Variants in AGAP1 observed in about 807,000 individuals in gnomAD.
The protein encoded by AGAP1 is ArfGAP with GTPase domain, ankyrin repeat and PH domain 1, also known as arf-GAP with GTPase, ANK repeat and PH domain-containing protein 1.
AGAP1 carries 29 observed loss-of-function variants against 105.3 expected under a neutral mutation model. That is an observed-to-expected ratio of 0.28 (90% CI 0.21 to 0.38). The LOEUF is 0.38. Ranked by LOEUF, AGAP1 falls within the 10% of genes least tolerant of loss-of-function variation. AGAP1 has a pLI of 1.00. For synonymous variants in AGAP1, 509 were observed against 485.9 expected (o/e 1.05, Z -0.63); for missense variants, 998 against 1,165.1 (o/e 0.86, Z 2.09).
rs1297317079 is a variant in AGAP1, at chr2:235,728,245, T to C, written c.310+10601T>C. On this transcript the variant is annotated intron_variant, in intron 3 of 17. Coordinates refer to ENST00000304032, the MANE Select transcript of AGAP1 (RefSeq NM_001037131.3). The surrounding 1 kb of genome is among the most constrained non-coding windows in gnomAD (Gnocchi z 4.3). ...GTGAAAGTGCCCCCAAGCTCCCCGC[T>C]CCATTTCATGTGCTACTGGCTGGCT... is the stretch of plus-strand genomic sequence containing the variant. Among the ~76,000 whole-genome samples, 4 of 151,904 alleles carry C rather than the reference T, an allele frequency of 2.6e-5. No homozygotes were observed.
At chr2:235,694,521 C>T (rs1189709090) in intron 1 of AGAP1, among the ~76,000 whole-genome samples, 1 of 150,768 alleles carries the variant, frequency 6.6e-6, no homozygotes, top group African/African-American at 2.4e-5. Flanking sequence ...GGTGGCAGTG[C>T]CCTGTAATCA....
rs537693919 is a variant in AGAP1, at chr2:235,954,702, T to G, written c.1484-13760T>G. On this transcript the variant is annotated intron_variant, in intron 12 of 17. Transcript: ENST00000304032. ...CCCGCCTCTACCTGCCAACCCCTTGTGAGTCCTTCAGGTTTGTCCACAGCC... is the reference window on the plus strand; with the variant it reads ...CCCGCCTCTACCTGCCAACCCCTTGGGAGTCCTTCAGGTTTGTCCACAGCC... Among the ~76,000 whole-genome samples the G allele has an allele frequency of 5.3e-5, 8 of 151,946 alleles. 1 individual carries two copies. The South Asian group carries it at 1.7e-3, about 32-fold the overall frequency.
rs1264519154 is a variant in AGAP1, at chr2:235,753,115, G to C, written c.673+2627G>C. Among the ~76,000 whole-genome samples the C allele has an allele frequency of 6.6e-6, 1 of 152,172 alleles. No homozygotes were observed. The highest frequency in any genetic ancestry group is 1.9e-4 in the East Asian group (1 of 5,184). ...TATTCCCCTGGGGGTCAGGATTTCAGTATAAGAATTTGGGTTGAGTTCCAT... is the reference window on the plus strand; with the variant it reads ...TATTCCCCTGGGGGTCAGGATTTCACTATAAGAATTTGGGTTGAGTTCCAT... On this transcript the variant is annotated intron_variant, in intron 6 of 17. Transcript: ENST00000304032. The surrounding 1 kb of genome is among the most constrained non-coding windows in gnomAD (Gnocchi z 4.5).
In AGAP1 at chr2:235,953,549, CTT is replaced by C. The variant is rs2053828598; in HGVS notation, c.1484-14911_1484-14910del. On this transcript the variant is annotated intron_variant, in intron 12 of 17. Coordinates refer to ENST00000304032, the MANE Select transcript of AGAP1 (RefSeq NM_001037131.3). This position sits in a 1 kb window ranked among gnomAD's most constrained non-coding sequence, Gnocchi z 5.2. Reference sequence around the variant, plus strand: ...AGACATTACTCAAATTTTGTTTGTTCTTTGTGCTGCAGTGGTCTTACTTGGCA... The same window carrying C: ...AGACATTACTCAAATTTTGTTTGTTCTGTGCTGCAGTGGTCTTACTTGGCA... 6.6e-6 allele frequency among the ~76,000 whole-genome samples: 1 copy of C among 152,086 alleles called. No homozygotes were observed. Among genetic ancestry groups the C allele is most frequent in the Non-Finnish European group, 1.5e-5 (1 of 68,000 alleles).
chr2:235,808,957 T>G, intron 9 of AGAP1, among the ~76,000 whole-genome samples: 1 of 152,226 alleles, frequency 6.6e-6, no homozygotes, highest in East Asian at 1.9e-4. Context: ...GTAATTTTTA[T>G]GCCACTGATA....
intron 13 of AGAP1, among the ~76,000 whole-genome samples, chr2:236,008,070 G>T (rs954323305): frequency 2.0e-5 from 3 of 152,186 alleles, no homozygotes; most frequent in East Asian, 1.9e-4. Context: ...TTTTCAATTT[G>T]GATTGCCAAG....
Position 235,977,324 on chromosome 2 carries a change from A to T in AGAP1, c.1645+8701A>T, listed in dbSNP as rs11885637. On this transcript the variant is annotated intron_variant, in intron 13 of 17. Coordinates refer to ENST00000304032, the MANE Select transcript of AGAP1 (RefSeq NM_001037131.3). The surrounding 1 kb of genome is among the most constrained non-coding windows in gnomAD (Gnocchi z 5.2). The stretch of plus-strand genomic sequence containing the variant: ...CGGATGTCATTTAAGTCTCGGTGAA[A>T]TTATGGTCCACTTGGACCAAGGTCC... Among the ~76,000 whole-genome samples the T allele has an allele frequency of 0.021, 3,178 of 152,096 alleles. 109 individuals carry two copies. The highest frequency in any genetic ancestry group is 0.072 in the African/African-American group (2,993 of 41,462).
At chr2:235,603,176 G>T (rs56319013) in intron 1 of AGAP1, among the ~76,000 whole-genome samples, 7,529 of 152,204 alleles carry the variant, frequency 0.049, 223 homozygotes, top group African/African-American at 0.08. Context: ...CCTCCTGAGA[G>T]CTGGTGGTTT....
At chr2:235,759,900 T>C (rs1575361941) in intron 6 of AGAP1, among the ~76,000 whole-genome samples, 1 of 152,166 alleles carries the variant, frequency 6.6e-6, no homozygotes, top group East Asian at 1.9e-4. Flanking sequence ...AAACCATACA[T>C]TCAGAGGTTT....
At chr2:235,783,485 G>C (rs1332699040) in intron 6 of AGAP1, 3 of 427,886 alleles carry the variant, frequency 7.0e-6, no homozygotes, top group Non-Finnish European at 1.4e-5. Context: ...GGACTGCTGT[G>C]TGTCACTGTG....
chr2:235,854,844 C>T (rs1352109462), intron 9 of AGAP1, among the ~76,000 whole-genome samples: 1 of 152,118 alleles, frequency 6.6e-6, no homozygotes, highest in Non-Finnish European at 1.5e-5. Flanking sequence ...AGAAACAATT[C>T]TTTATTCATT....
Position 236,035,189 on chromosome 2 carries a change from C to CA in AGAP1, c.1646-1371dup, listed in dbSNP as rs2057341683. Among the ~76,000 whole-genome samples, 1 of 152,124 alleles carries CA rather than the reference C, an allele frequency of 6.6e-6. No homozygotes were observed. The highest frequency in any genetic ancestry group is 6.5e-5 in the Admixed American group (1 of 15,278). ...CAGCCCAATGGCCACGGGCTGGTGA[C>CA]AGAGATAAGTAAAGTGGTTGGCAGG... On this transcript the variant is annotated intron_variant, in intron 13 of 17. Transcript: ENST00000304032. The surrounding 1 kb of genome is among the most constrained non-coding windows in gnomAD (Gnocchi z 4.2).
intron 13 of AGAP1, among the ~76,000 whole-genome samples, chr2:235,985,037 C>T (rs1420418087): frequency 3.9e-5 from 6 of 152,230 alleles, no homozygotes; most frequent in Admixed American, 1.3e-4. Context: ...TACTGTCTTC[C>T]GCAATGGTTG....
chr2:235,953,270 T>G lies in AGAP1; in HGVS notation c.1484-15192T>G, dbSNP rs1268609841. ...TGAATTTTGCAAATTAGCATTTGAT[T>G]TAACCCCCAAAAAAGTACCCCGATG... On this transcript the variant is annotated intron_variant, in intron 12 of 17. Coordinates refer to ENST00000304032, the MANE Select transcript of AGAP1 (RefSeq NM_001037131.3). This position sits in a 1 kb window ranked among gnomAD's most constrained non-coding sequence, Gnocchi z 5.2. 6.6e-6 allele frequency among the ~76,000 whole-genome samples: 1 copy of G among 152,238 alleles called. No homozygotes were observed. Among genetic ancestry groups the G allele is most frequent in the Non-Finnish European group, 1.5e-5 (1 of 68,032 alleles).
chr2:235,779,529 G>A (rs757082643), intron 6 of AGAP1, among the ~76,000 whole-genome samples: 3 of 152,140 alleles, frequency 2.0e-5, no homozygotes, highest in Admixed American at 6.5e-5. Context: ...CTCAGAACCC[G>A]CTGGCTCTCC....
In AGAP1 at chr2:235,872,286, C is replaced by G. The variant is rs531083122; in HGVS notation, c.1051-11059C>G. ...AAAAAAAAAAAGTTCTAAATAAATGCCGAAGCCACATAGGAGTCAAAGAAA... is the reference window on the plus strand; with the variant it reads ...AAAAAAAAAAAGTTCTAAATAAATGGCGAAGCCACATAGGAGTCAAAGAAA... On this transcript the variant is annotated intron_variant, in intron 9 of 17. Coordinates refer to ENST00000304032, the MANE Select transcript of AGAP1 (RefSeq NM_001037131.3). The surrounding 1 kb of genome is among the most constrained non-coding windows in gnomAD (Gnocchi z 4.5). Among the ~76,000 whole-genome samples the G allele has an allele frequency of 6.6e-6, 1 of 152,252 alleles. No individual in the cohort carries two copies. The highest frequency in any genetic ancestry group is 1.5e-5 in the Non-Finnish European group (1 of 68,028).
rs537020370 is a variant in AGAP1 at position 236,045,503 on chromosome 2, G to A, written c.1892-3556G>A. On this transcript the variant is annotated intron_variant, in intron 15 of 17. Transcript: ENST00000304032. The surrounding 1 kb of genome is among the most constrained non-coding windows in gnomAD (Gnocchi z 6.9). ...TTTCTCTGGAGGGGAGCTGAGGCCC[G>A]GAGAGCAAGAGGCTTGCAGAGGACA... is the stretch of plus-strand genomic sequence containing the variant. Among the ~76,000 whole-genome samples the A allele has an allele frequency of 1.2e-4, 18 of 152,332 alleles. No homozygotes were observed. Among genetic ancestry groups the A allele is most frequent in the Non-Finnish European group, 2.1e-4 (14 of 68,036 alleles).
chr2:235,933,340 T>TG lies in AGAP1; in HGVS notation c.1483+2421dup, dbSNP rs2052818038. Reference sequence around the variant, plus strand: ...CCGCAGTGAAGTGAAAGGTGATAGTTGGGGTGCAGAAAAATGAGGAGAGAC... The same window carrying TG: ...CCGCAGTGAAGTGAAAGGTGATAGTTGGGGGTGCAGAAAAATGAGGAGAGAC... On this transcript the variant is annotated intron_variant, in intron 12 of 17. Coordinates refer to ENST00000304032, the MANE Select transcript of AGAP1 (RefSeq NM_001037131.3). 3.3e-5 allele frequency among the ~76,000 whole-genome samples: 5 copies of TG among 152,008 alleles called. No individual in the cohort carries two copies. The South Asian group carries it at 8.3e-4, about 25-fold the overall frequency.
At position 235,710,006 on chromosome 2, in the gene AGAP1, T is replaced by G. The variant is rs148360738; in HGVS notation, c.222+769T>G. ...ATGTTTATATTTATGTAGGTATCTA[T>G]GTATGTATGTATATATGTCTAATTT... is the stretch of plus-strand genomic sequence containing the variant. On this transcript the variant is annotated intron_variant, in intron 2 of 17. Transcript: ENST00000304032. 2.9e-3 allele frequency among the ~76,000 whole-genome samples: 439 copies of G among 152,342 alleles called. 2 individuals are homozygous for G. The highest frequency in any genetic ancestry group is 9.6e-3 in the African/African-American group (400 of 41,580).
Sources: allele counts gnomAD v4.1 joint callset (sites outside exome capture counted in the v4.1 genomes callset), GRCh38; gene constraint gnomAD v4.1.1; non-coding constraint Gnocchi (gnomAD v3.1); transcripts MANE v1.5; gene names NCBI Gene and HGNC (gene_info 2026-07-23, HGNC 2026-07-21).